The following CTBP1 variants were observed in gnomAD, a reference collection of about 807,000 sequenced individuals.
The protein encoded by CTBP1 is C-terminal-binding protein 1.
CTBP1 carries 11 observed loss-of-function variants against 42.1 expected under a neutral mutation model. The observed-to-expected ratio is 0.26, with a 90% CI of 0.16 to 0.43. The LOEUF (loss-of-function observed/expected upper bound fraction) is 0.43. CTBP1 is among the 20% of genes least tolerant of loss of function. The pLI is 1.00. For synonymous variants in CTBP1, 324 were observed against 277.1 expected, an observed-to-expected ratio of 1.17 and a Z score of -1.68; for missense variants, 399 against 624.3, an observed-to-expected ratio of 0.64 and a Z score of 3.85.
chr4:1,225,345 C>G lies in CTBP1; in HGVS notation c.514+15G>C, dbSNP rs1314916573. On this transcript the variant is annotated intron_variant, in intron 5 of 9. Transcript: ENST00000382952. Reference sequence around the variant, plus strand: ...CACAGGGAGGGACACAGGCGTGGAGCTGCGGCCGACGCACCAAGTCCGATG... The same window carrying G: ...CACAGGGAGGGACACAGGCGTGGAGGTGCGGCCGACGCACCAAGTCCGATG... The G allele has an allele frequency of 3.3e-6, 5 of 1,538,234 alleles. No homozygotes were observed. Among genetic ancestry groups the G allele is most frequent in the Non-Finnish European group, 4.4e-6 (5 of 1,146,794 alleles).
At chr4:1,228,132 A>C in intron 4 of CTBP1, 67 bp downstream of exon 4, 1 of 1,585,746 alleles carries the variant, frequency 6.3e-7, no homozygotes, top group South Asian at 1.1e-5. Context: ...TGAAGCCTCC[A>C]TGGACGAAGC....
chr4:1,221,737 G>A lies in CTBP1; in HGVS notation c.514+3623C>T, dbSNP rs115845012. On this transcript the variant is annotated intron_variant, in intron 5 of 9. Coordinates refer to ENST00000382952, the MANE Select transcript of CTBP1 (RefSeq NM_001012614.2). ...CGCAGGGTCGTCGCGGGGCCGCCAC[G>A]GGAGAAGGGGGCCCGAGGGAGCTGT... 2.9e-3 allele frequency: 1,125 copies of A among 390,558 alleles called. 13 individuals carry two copies. Among genetic ancestry groups the A allele is most frequent in the African/African-American group, 0.019 (901 of 47,178 alleles). 24.2% of individuals were successfully genotyped at this position (390,558 alleles called of 1,614,324 possible).
At chr4:1,246,156 AGCAGTGGGCT>A (rs1732699295) in intron 1 of CTBP1, among the ~76,000 whole-genome samples, 11 of 152,002 alleles carry the variant, frequency 7.2e-5, no homozygotes, top group Admixed American at 3.9e-4. Flanking sequence ...TGCGGGGGAG[AGCAGTGGGCT>A]CCGGCCACTG....
At position 1,216,030 on chromosome 4, in the gene CTBP1, C is replaced by T. The variant is rs1477950166; in HGVS notation, c.690G>A (p.Glu230=). 1.9e-6 allele frequency: 3 copies of T among 1,611,544 alleles called. No individual in the cohort carries two copies. The highest frequency in any genetic ancestry group is 2.5e-6 in the Non-Finnish European group (3 of 1,179,814). Residue 230 remains glutamate, a synonymous_variant, in exon 6 of 10, where the codon GAG becomes GAA. Coordinates refer to ENST00000382952, the MANE Select transcript of CTBP1 (RefSeq NM_001012614.2). ...DCVTLHCGLN[E]HNHHLINDFT... ...AGTCGTTGATGAGGTGGTGGTTGTG[C>T]TCGTTGAGGCCGCAGTGCAGGGTCA...
chr4:1,224,751 C>G (rs1730143647), intron 5 of CTBP1, among the ~76,000 whole-genome samples: 2 of 150,430 alleles, frequency 1.3e-5, no homozygotes, highest in South Asian at 2.1e-4. Context: ...TCTGTGTTAT[C>G]TGTGTGTGCC....
At chr4:1,246,768 G>A (rs547315101) in intron 1 of CTBP1, among the ~76,000 whole-genome samples, 1 of 152,246 alleles carries the variant, frequency 6.6e-6, no homozygotes, top group Admixed American at 6.5e-5. Context: ...AGCCCCGAGG[G>A]AAGAGACTGG....
At chr4:1,226,698 A>G (rs1379466498) in intron 4 of CTBP1, among the ~76,000 whole-genome samples, 3 of 151,616 alleles carry the variant, frequency 2.0e-5, no homozygotes, top group Non-Finnish European at 4.4e-5. Context: ...CCCCTCAAAA[A>G]GCACCAGGCA....
intron 1 of CTBP1, among the ~76,000 whole-genome samples, chr4:1,246,471 T>G (rs1732733811): frequency 6.6e-6 from 1 of 151,996 alleles, no homozygotes; most frequent in African/African-American, 2.4e-5. Context: ...ACAAGGAGAG[T>G]CAACCGGGGT....
intron 3 of CTBP1, among the ~76,000 whole-genome samples, chr4:1,229,148 C>T (rs757965147): frequency 6.6e-6 from 1 of 152,210 alleles, no homozygotes; most frequent in Non-Finnish European, 1.5e-5. Context: ...CCAAGGGCTC[C>T]CAGTTACCCC....
In CTBP1 at chr4:1,233,103, G is replaced by A. The variant is rs537819532; in HGVS notation, c.163-4760C>T. The A allele has an allele frequency of 1.3e-5, 2 of 152,432 alleles. No homozygotes were observed. The highest frequency in any genetic ancestry group is 6.5e-5 in the Admixed American group (1 of 15,300). The allele number at this position is 152,432 out of a possible 1,614,324, so 9.4% of individuals were successfully genotyped here. ...GCCTGGAAACAGGCCCCTGCATACG[G>A]TGATGGGGTCTCTGTCCTCTTGGTC... is the stretch of plus-strand genomic sequence containing the variant. On this transcript the variant is annotated intron_variant, in intron 3 of 9. Transcript: ENST00000382952. This position sits in a 1 kb window ranked among gnomAD's most constrained non-coding sequence, Gnocchi z 4.6.
chr4:1,226,497 A>G (rs1577043106), intron 4 of CTBP1, among the ~76,000 whole-genome samples: 2 of 151,476 alleles, frequency 1.3e-5, no homozygotes, highest in African/African-American at 4.9e-5. Flanking sequence ...CCCTAGACAC[A>G]ACTCACTTGG....
rs1233017970 is a variant in CTBP1, at chr4:1,233,946, G to C, written c.162+4237C>G. 6.6e-6 allele frequency among the ~76,000 whole-genome samples: 1 copy of C among 152,236 alleles called. No homozygotes were observed. Among genetic ancestry groups the C allele is most frequent in the Non-Finnish European group, 1.5e-5 (1 of 68,042 alleles). ...CGCTGCCCTCTCCACAGCCACGAGGGTCCCTGCCTCCTGCCTTGTTGCTCC... is the reference window on the plus strand; with the variant it reads ...CGCTGCCCTCTCCACAGCCACGAGGCTCCCTGCCTCCTGCCTTGTTGCTCC... On this transcript the variant is annotated intron_variant, in intron 3 of 9. Coordinates refer to ENST00000382952, the MANE Select transcript of CTBP1 (RefSeq NM_001012614.2). This position sits in a 1 kb window ranked among gnomAD's most constrained non-coding sequence, Gnocchi z 4.6.
intron 8 of CTBP1, 132 bp downstream of exon 8, chr4:1,213,346 G>T: frequency 7.1e-7 from 1 of 1,412,164 alleles, no homozygotes; most frequent in Non-Finnish European, 9.7e-7. Context: ...CCCTGCTGGG[G>T]GTGCAGTGAG....
intron 5 of CTBP1, among the ~76,000 whole-genome samples, chr4:1,220,303 GA>G (rs1052439115): frequency 2.1e-5 from 3 of 141,660 alleles, no homozygotes; most frequent in African/African-American, 7.8e-5. Flanking sequence ...AAAAAAAAAA[GA>G]AAAAAAGAAT....
At position 1,214,331 on chromosome 4, in the gene CTBP1, C is replaced by A; in HGVS notation, c.860+12G>T. 1 of 1,542,942 alleles carries A rather than the reference C, an allele frequency of 6.5e-7. No individual in the cohort carries two copies. On this transcript the variant is annotated intron_variant, in intron 7 of 9. Transcript: ENST00000382952. ...GGGAAGAGCAGGGGGGCGGCACTGG[C>A]CGTGGGGGCACCTGAAGGGTTCCGA... is the stretch of plus-strand genomic sequence containing the variant.
chr4:1,212,825 G>A (rs1728687292), intron 9 of CTBP1, 88 bp downstream of exon 9: 12 of 1,142,448 alleles, frequency 1.1e-5, no homozygotes, highest in Admixed American at 3.6e-5. Flanking sequence ...CAGTGGAGAC[G>A]CCGCCCCTCC....
At chr4:1,219,048 G>A (rs1276605440) in intron 5 of CTBP1, among the ~76,000 whole-genome samples, 1 of 152,026 alleles carries the variant, frequency 6.6e-6, no homozygotes. Context: ...ATAAAAGACA[G>A]AAGTCAGGCG....
At position 1,243,268 on chromosome 4, in the gene CTBP1, G is replaced by A. The variant is rs560849677; in HGVS notation, c.-188-1749C>T. 2.4e-3 allele frequency: 2,329 copies of A among 985,440 alleles called. 11 individuals carry two copies. Among genetic ancestry groups the A allele is most frequent in the Middle Eastern group, 0.012 (23 of 1,914 alleles). The allele number at this position is 985,440 out of a possible 1,614,324, so 61.0% of individuals were successfully genotyped here. ...CCACACCTGTGTCTCTGAGGAAGAA[G>A]CAGATGTGTGAAGGCCACCCTGGCC... is the stretch of plus-strand genomic sequence containing the variant. On this transcript the variant is annotated intron_variant, in intron 1 of 9. Transcript: ENST00000382952.
intron 3 of CTBP1, among the ~76,000 whole-genome samples, chr4:1,231,937 G>C (rs946557272): frequency 6.6e-6 from 1 of 152,266 alleles, no homozygotes. Context: ...GAGAACCCAG[G>C]AGGCGCACCC....
Sources: gnomAD v4.1 joint callset for allele counts (sites outside exome capture counted in the v4.1 genomes callset) on GRCh38, gnomAD v4.1.1 for gene constraint, Gnocchi (gnomAD v3.1) non-coding constraint, MANE v1.5 for transcripts, NCBI Gene and HGNC (gene_info 2026-07-23, HGNC 2026-07-21) for gene names.